The following POMGNT2 variants were observed in gnomAD, a reference collection of about 807,000 sequenced individuals.
POMGNT2 encodes protein O-linked mannose N-acetylglucosaminyltransferase 2 (beta 1,4-).
POMGNT2 carries 32 observed loss-of-function variants against 37.8 expected under a neutral mutation model. The ratio of observed to expected loss-of-function variants is 0.85; its 90% CI spans 0.64 to 1.14. The LOEUF is 1.14. Among genes scored for constraint, POMGNT2 ranks in the 50% most tolerant of loss-of-function variants. The probability of loss-of-function intolerance (pLI) is 0.00; values close to 1 mark genes in which losing one functional copy is unlikely to be tolerated. For missense variants in POMGNT2, 705 were observed against 780.6 expected (o/e 0.90, Z 1.15); for synonymous variants, 340 against 336.8 (o/e 1.01, Z -0.10).
intron 1 of POMGNT2, among the ~76,000 whole-genome samples, chr3:43,097,708 A>G (rs1278256394): frequency 6.6e-6 from 1 of 152,076 alleles, no homozygotes; most frequent in Admixed American, 6.6e-5. Context: ...AAATGGGGGG[A>G]ACATGATTCA....
intron 1 of POMGNT2, among the ~76,000 whole-genome samples, chr3:43,104,601 T>C (rs1430636719): frequency 6.6e-6 from 1 of 152,146 alleles, no homozygotes; most frequent in Non-Finnish European, 1.5e-5. Context: ...CTTTCCTAGC[T>C]CTGCAGGGAC....
Position 43,080,556 on chromosome 3 carries a change from A to G in POMGNT2, c.876T>C (p.Phe292=). Residue 292 remains phenylalanine, a synonymous_variant, in exon 2 of 2, where the codon TTT becomes TTC. Coordinates refer to ENST00000344697, the MANE Select transcript of POMGNT2 (RefSeq NM_032806.6). ...VPLGEEYILV[F]SRTQNRLILN... is the part of the protein sequence containing the mutation. The stretch of plus-strand genomic sequence containing the variant: ...GAATGAGTCTGTTCTGGGTTCGGCT[A>G]AAGACCAGAATGTACTCCTCGCCTA... The G allele has an allele frequency of 6.2e-7, 1 of 1,614,214 alleles. No individual in the cohort carries two copies. Among genetic ancestry groups the G allele is most frequent in the Non-Finnish European group, 8.5e-7 (1 of 1,180,034 alleles).
At chr3:43,089,467 T>C (rs528598117) in intron 1 of POMGNT2, among the ~76,000 whole-genome samples, 4 of 152,270 alleles carry the variant, frequency 2.6e-5, no homozygotes, top group South Asian at 4.1e-4. Flanking sequence ...TGATGCCAGA[T>C]CAAGGAGTTT....
Position 43,080,606 on chromosome 3 carries a change from T to G in POMGNT2, c.826A>C (p.Asn276His). 2 of 1,614,222 alleles carry G rather than the reference T, an allele frequency of 1.2e-6. No individual in the cohort carries two copies. Among genetic ancestry groups the G allele is most frequent in the Non-Finnish European group, 1.7e-6 (2 of 1,180,034 alleles). Residue 276 changes from asparagine (N) to histidine (H), a missense_variant, in exon 2 of 2, where the codon AAC (asparagine) becomes CAC (histidine). Asn to His is a moderately conservative substitution (Grantham distance 68, BLOSUM62 1). Transcript: ENST00000344697. ...AGGGGGACTCCTGTGTGGCTCACGTTCAGCTTTTCTGTCATGAACCGTGCA... is the reference window on the plus strand; with the variant it reads ...AGGGGGACTCCTGTGTGGCTCACGTGCAGCTTTTCTGTCATGAACCGTGCA... ...QFARFMTEKL[N>H]VSHTGVPLGE...
At chr3:43,093,939 A>C (rs1559419116) in intron 1 of POMGNT2, among the ~76,000 whole-genome samples, 1 of 152,178 alleles carries the variant, frequency 6.6e-6, no homozygotes, top group African/African-American at 2.4e-5. Flanking sequence ...AAATAGATCT[A>C]GTCCTGAATC....
At position 43,106,040 on chromosome 3, in the gene POMGNT2, T is replaced by G. The variant is rs1231925027; in HGVS notation, c.-310A>C. The G allele has an allele frequency of 1.3e-5, 2 of 151,652 alleles. No homozygotes were observed. The highest frequency in any genetic ancestry group is 2.1e-4 in the South Asian group (1 of 4,822). The allele number at this position is 151,652 out of a possible 1,614,324, so 9.4% of individuals were successfully genotyped here. A position where few individuals can be genotyped will look rare whatever the true frequency, so the allele number is the denominator to read the frequency against. On this transcript the variant is annotated 5_prime_UTR_variant, in exon 1 of 2. Coordinates refer to ENST00000344697, the MANE Select transcript of POMGNT2 (RefSeq NM_032806.6). ...CCTCCAGGCTCGCAGGTGTCCGCCG[T>G]GCGCCTGCCCGGCGGGCGAGCCCGG...
At chr3:43,094,207 G>C (rs2089963344) in intron 1 of POMGNT2, among the ~76,000 whole-genome samples, 1 of 152,158 alleles carries the variant, frequency 6.6e-6, no homozygotes, top group Non-Finnish European at 1.5e-5. Flanking sequence ...CTTCAGGAAG[G>C]TTTTCAAAAG....
chr3:43,079,846 T>C lies in POMGNT2; in HGVS notation c.1586A>G (p.Gln529Arg). Reference protein sequence around the residue: ...EVKYEVWLQEQGENTYVPYIL... With the variant: ...EVKYEVWLQERGENTYVPYIL... ...GTAAGGCACGTAGGTGTTCTCCCCCTGCTCCTGCAGCCACACCTCGTACTT... is the reference window on the plus strand; with the variant it reads ...GTAAGGCACGTAGGTGTTCTCCCCCCGCTCCTGCAGCCACACCTCGTACTT... Residue 529 changes from glutamine (Q) to arginine (R), a missense_variant, in exon 2 of 2, where the codon CAG becomes CGG. Gln to Arg is a conservative substitution (Grantham distance 43). Coordinates refer to ENST00000344697, the MANE Select transcript of POMGNT2 (RefSeq NM_032806.6). 2 of 1,614,214 alleles carry C rather than the reference T, an allele frequency of 1.2e-6. No individual in the cohort carries two copies. The highest frequency in any genetic ancestry group is 8.5e-7 in the Non-Finnish European group (1 of 1,180,032).
At position 43,081,243 on chromosome 3, in the gene POMGNT2, G is replaced by A. The variant is rs377288837; in HGVS notation, c.189C>T (p.Gly63=). 2.4e-5 allele frequency: 39 copies of A among 1,613,588 alleles called. No individual in the cohort carries two copies. The highest frequency in any genetic ancestry group is 1.9e-4 in the African/African-American group (14 of 74,946). Residue 63 remains glycine, a synonymous_variant, in exon 2 of 2, where the codon GGC becomes GGT. Transcript: ENST00000344697. ...YPKALQILME[G]GTHMVCTGRT... ...GGCCCGTGCACACCATGTGTGTGCC[G>A]CCCTCCATCAGGATCTGCAGTGCCT...
chr3:43,095,846 A>T (rs2089976060), intron 1 of POMGNT2, among the ~76,000 whole-genome samples: 1 of 152,226 alleles, frequency 6.6e-6, no homozygotes, highest in Non-Finnish European at 1.5e-5. Context: ...GAACTCAATC[A>T]GGGAGGAGCG....
chr3:43,081,089 C>G lies in POMGNT2; in HGVS notation c.343G>C (p.Ala115Pro). ...TCCACGGTGGATAGGTCGAGCAGGG[C>G]TGGCTGGAAGCGCCGGGAGCCCAGG... The part of the protein sequence containing the change: ...PNLGSRRFQP[A>P]LLDLSTVEDH... Residue 115 changes from alanine to proline, a missense_variant, in exon 2 of 2, where the codon GCC (alanine) becomes CCC (proline). Transcript: ENST00000344697. 1 of 1,614,216 alleles carries G rather than the reference C, an allele frequency of 6.2e-7. No individual in the cohort carries two copies. Among genetic ancestry groups the G allele is most frequent in the Non-Finnish European group, 8.5e-7 (1 of 1,180,042 alleles).
intron 1 of POMGNT2, among the ~76,000 whole-genome samples, chr3:43,088,869 A>G (rs898244432): frequency 2.0e-5 from 3 of 152,212 alleles, no homozygotes; most frequent in Non-Finnish European, 4.4e-5. Flanking sequence ...CTCATTGCTG[A>G]AGCCAGGTTG....
intron 1 of POMGNT2, among the ~76,000 whole-genome samples, chr3:43,094,647 C>T (rs1286892731): frequency 6.6e-6 from 1 of 152,216 alleles, no homozygotes; most frequent in Non-Finnish European, 1.5e-5. Context: ...AGTCTGTGCA[C>T]CAACTGCCTC....
intron 1 of POMGNT2, among the ~76,000 whole-genome samples, chr3:43,103,243 A>C (rs2125713015): frequency 6.6e-6 from 1 of 152,278 alleles, no homozygotes; most frequent in African/African-American, 2.4e-5. Context: ...CAGGATTAAA[A>C]TGGCAGAATG....
chr3:43,084,696 G>A (rs560415318), intron 1 of POMGNT2, among the ~76,000 whole-genome samples: 1 of 151,564 alleles, frequency 6.6e-6, no homozygotes, highest in South Asian at 2.1e-4. Context: ...CTGAAGCTCT[G>A]TTAATTTTTT....
intron 1 of POMGNT2, among the ~76,000 whole-genome samples, chr3:43,099,728 G>A (rs1398540795): frequency 6.6e-6 from 1 of 152,094 alleles, no homozygotes; most frequent in African/African-American, 2.4e-5. Context: ...ATGGCAGCCA[G>A]GTCCCTGCCA....
chr3:43,079,750 C>T lies in POMGNT2; in HGVS notation c.1682G>A (p.Arg561His), dbSNP rs548471239. 42 of 1,614,170 alleles carry T rather than the reference C, an allele frequency of 2.6e-5. No homozygotes were observed. Among genetic ancestry groups the T allele is most frequent in the Admixed American group, 3.3e-5 (2 of 60,026 alleles). The change falls in exon 2 of 2, where the codon CGC becomes CAC. Residue 561 changes from arginine (R) to histidine (H), a missense_variant. By Grantham distance (29) the Arg-to-His change is conservative. Coordinates refer to ENST00000344697, the MANE Select transcript of POMGNT2 (RefSeq NM_032806.6). ...CAGGAGGATCTTGTTGAAGATGCAG[C>T]GGACCCACACCAGGTAGGTGGTGAA... Reference protein sequence around the residue: ...KPFTTYLVWVRCIFNKILLGP... With the variant: ...KPFTTYLVWVHCIFNKILLGP...
At position 43,081,540 on chromosome 3, in the gene POMGNT2, C is replaced by A. The variant is rs1444431777; in HGVS notation, c.-105-4G>T. On this transcript the variant is annotated splice_polypyrimidine_tract_variant and splice_region_variant and intron_variant, in intron 1 of 1. Transcript: ENST00000344697. ...CATCCTGAGAACTGGTGAAAGCCTG[C>A]AGGAGGAGAGAAGGAAAAGAAAAAG... 2 of 942,096 alleles carry A rather than the reference C, an allele frequency of 2.1e-6. No homozygotes were observed. The highest frequency in any genetic ancestry group is 3.1e-6 in the Non-Finnish European group (2 of 645,620). The allele number at this position is 942,096 out of a possible 1,614,324, so 58.4% of individuals were successfully genotyped here.
At position 43,098,974 on chromosome 3, in the gene POMGNT2, T is replaced by C. The variant is rs946433871; in HGVS notation, c.-106+6862A>G. On this transcript the variant is annotated intron_variant, in intron 1 of 1. Coordinates refer to ENST00000344697, the MANE Select transcript of POMGNT2 (RefSeq NM_032806.6). The surrounding 1 kb of genome is among the most constrained non-coding windows in gnomAD (Gnocchi z 4.3). ...TTAGCACAAATGGGTCACCTGGAAG[T>C]GACATGTGCCTGTATTGGTCCTCTC... Among the ~76,000 whole-genome samples, 40 of 152,138 alleles carry C rather than the reference T, an allele frequency of 2.6e-4. No homozygotes were observed. The highest frequency in any genetic ancestry group is 8.7e-4 in the African/African-American group (36 of 41,436).
Sources: allele counts gnomAD v4.1 joint callset (sites outside exome capture counted in the v4.1 genomes callset), GRCh38; gene constraint gnomAD v4.1.1; non-coding constraint Gnocchi (gnomAD v3.1); transcripts MANE v1.5; gene names NCBI Gene and HGNC (gene_info 2026-07-23, HGNC 2026-07-21).